Variants in PARD3 observed in about 807,000 individuals in gnomAD.
PARD3 encodes partitioning defective 3 homolog.
Under a neutral mutation model 155.4 loss-of-function variants are expected in PARD3, and 75 were observed. The observed-to-expected ratio is 0.48, with a 90% confidence interval of 0.40 to 0.58. The LOEUF (loss-of-function observed/expected upper bound fraction) is 0.58, where lower values mean the gene tolerates loss of function less well. Among genes scored for constraint, PARD3 ranks in the 20% least tolerant of loss-of-function variants. The pLI is 0.00. For missense variants in PARD3, 1,642 were observed against 1,721.7 expected (o/e 0.95, Z 0.82); for synonymous variants, 576 against 610.5 (o/e 0.94, Z 0.83).
intron 5 of PARD3, among the ~76,000 whole-genome samples, chr10:34,404,502 A>AT (rs1016005839): frequency 6.6e-6 from 1 of 152,054 alleles, no homozygotes; most frequent in African/African-American, 2.4e-5. Context: ...TCCCGCCTCT[A>AT]TTTTTTTCTT....
chr10:34,813,171 T>C (rs1348128604), intron 1 of PARD3, among the ~76,000 whole-genome samples: 1 of 152,234 alleles, frequency 6.6e-6, no homozygotes, highest in Admixed American at 6.5e-5. Context: ...CCTATGTCTA[T>C]TTTGTGCAGG....
chr10:34,195,833 C>A (rs758272447), intron 22 of PARD3, among the ~76,000 whole-genome samples: 2 of 152,098 alleles, frequency 1.3e-5, no homozygotes, highest in Non-Finnish European at 2.9e-5. Flanking sequence ...TCTTGCCACT[C>A]GCTAGCTATG....
chr10:34,111,700 C>T (rs746712329), intron 24 of PARD3, 138 bp from the exon 25 acceptor site: 41 of 702,920 alleles, frequency 5.8e-5, no homozygotes, highest in Non-Finnish European at 8.7e-5. Flanking sequence ...CCAGACACTG[C>T]GATAGGGGCT....
intron 22 of PARD3, among the ~76,000 whole-genome samples, chr10:34,171,933 G>A (rs531822546): frequency 7.8e-4 from 88 of 112,126 alleles, no homozygotes; most frequent in African/African-American, 3.1e-3. Context: ...CTGGGTGACA[G>A]AGATGAGACT....
chr10:34,607,608 C>T (rs1322019913), intron 2 of PARD3, among the ~76,000 whole-genome samples: 2 of 152,196 alleles, frequency 1.3e-5, no homozygotes, highest in Admixed American at 6.5e-5. Context: ...TTTTCTGTTG[C>T]AAATATGTTG....
intron 15 of PARD3, among the ~76,000 whole-genome samples, chr10:34,347,589 T>A (rs2134365216): frequency 6.6e-6 from 1 of 152,372 alleles, no homozygotes; most frequent in East Asian, 1.9e-4. Flanking sequence ...GTGAATGATA[T>A]GTAACTTTTG....
rs752937820 is a variant in PARD3, at chr10:34,696,360, G to A, written c.180C>T (p.Asp60=). The A allele has an allele frequency of 6.2e-7, 1 of 1,612,436 alleles. No individual in the cohort carries two copies. Among genetic ancestry groups the A allele is most frequent in the South Asian group, 1.1e-5 (1 of 91,044 alleles). The part of the protein sequence containing the change: ...RLEHGDGGIL[D]LDDILCDVAD... ...CTACATCACAAAGAATGTCATCAAG[G>A]TCTAGTATTCCTCCATCTCCATGTT... The change falls in exon 2 of 25, where the codon GAC becomes GAT. Residue 60 remains aspartate, a synonymous_variant. Transcript: ENST00000374788.
intron 22 of PARD3, among the ~76,000 whole-genome samples, chr10:34,256,992 A>T (rs547985646): frequency 6.6e-6 from 1 of 152,334 alleles, no homozygotes; most frequent in Non-Finnish European, 1.5e-5. Flanking sequence ...GCTTGATTGG[A>T]AAAGAAAACA....
intron 20 of PARD3, among the ~76,000 whole-genome samples, chr10:34,316,042 G>GT (rs1161240891): frequency 6.6e-6 from 1 of 152,122 alleles, no homozygotes; most frequent in African/African-American, 2.4e-5. Flanking sequence ...ACCTCCCTGA[G>GT]TTATGGAGGT....
At chr10:34,802,503 G>A (rs1268026406) in intron 1 of PARD3, among the ~76,000 whole-genome samples, 2 of 152,132 alleles carry the variant, frequency 1.3e-5, no homozygotes, top group African/African-American at 4.8e-5. Flanking sequence ...ACCCTACAAA[G>A]ATGACAATCC....
chr10:34,631,165 G>A (rs539147273), intron 2 of PARD3, among the ~76,000 whole-genome samples: 38 of 152,206 alleles, frequency 2.5e-4, no homozygotes, highest in African/African-American at 9.2e-4. Flanking sequence ...ATAATTAGCA[G>A]AAGTGATCAC....
chr10:34,387,715 T>A (rs1218018150), intron 7 of PARD3, among the ~76,000 whole-genome samples: 1 of 152,222 alleles, frequency 6.6e-6, no homozygotes, highest in Non-Finnish European at 1.5e-5. Context: ...TGCTCTTTAA[T>A]TCTAGAAGTA....
chr10:34,346,477 T>C (rs770086164), intron 15 of PARD3: 2 of 1,346,544 alleles, frequency 1.5e-6, no homozygotes, highest in Admixed American at 4.0e-5. Context: ...TTACAGCATA[T>C]CACTTTGTGT....
intron 20 of PARD3, among the ~76,000 whole-genome samples, chr10:34,299,030 T>G (rs967924784): frequency 5.3e-5 from 8 of 152,072 alleles, no homozygotes; most frequent in African/African-American, 1.7e-4. Flanking sequence ...TGAGAGAAAA[T>G]AATACATCCT....
Position 34,331,295 on chromosome 10 carries a change from G to A in PARD3, c.2655C>T (p.Ser885=), listed in dbSNP as rs369024543. The stretch of plus-strand genomic sequence containing the variant: ...CTGCGGTCTGCAGACTCTCCAACGA[G>A]CTTGACTTCTTCAGACCCAGGGAAG... ...VGPSLGLKKS[S]SLESLQTAVA... is the part of the protein sequence containing the mutation. The change falls in exon 19 of 25, where the codon AGC becomes AGT. Residue 885 remains serine, a synonymous_variant. Coordinates refer to ENST00000374788, the MANE Select transcript of PARD3 (RefSeq NM_001184785.2). The A allele has an allele frequency of 1.9e-6, 3 of 1,613,852 alleles. No individual in the cohort carries two copies. Among genetic ancestry groups the A allele is most frequent in the African/African-American group, 2.7e-5 (2 of 74,888 alleles).
At chr10:34,422,875 T>G (rs2075393718) in intron 5 of PARD3, among the ~76,000 whole-genome samples, 1 of 152,052 alleles carries the variant, frequency 6.6e-6, no homozygotes, top group Non-Finnish European at 1.5e-5. Flanking sequence ...GGTATAGGGG[T>G]TCTTCAAAAA....
chr10:34,619,675 C>T (rs2091505991), intron 2 of PARD3, among the ~76,000 whole-genome samples: 1 of 152,126 alleles, frequency 6.6e-6, no homozygotes, highest in Non-Finnish European at 1.5e-5. Flanking sequence ...ACAGTAGGTG[C>T]TCAAATATTT....
chr10:34,337,767 T>C (rs1444341760), intron 16 of PARD3, among the ~76,000 whole-genome samples: 2 of 152,208 alleles, frequency 1.3e-5, no homozygotes, highest in Non-Finnish European at 2.9e-5. Flanking sequence ...ACTGAATTTT[T>C]CAGGAAACCT....
chr10:34,365,784 C>T (rs1372631539), intron 12 of PARD3, among the ~76,000 whole-genome samples: 11 of 152,112 alleles, frequency 7.2e-5, no homozygotes, highest in African/African-American at 2.4e-4. Context: ...GACAGGGTTT[C>T]GCCATGTTGG....
Sources: gnomAD v4.1 joint callset for allele counts (sites outside exome capture counted in the v4.1 genomes callset) on GRCh38, gnomAD v4.1.1 for gene constraint, MANE v1.5 for transcripts, NCBI Gene and HGNC (gene_info 2026-07-23, HGNC 2026-07-21) for gene names.